The following PRKN variants were observed in gnomAD, a reference collection of about 807,000 sequenced individuals.
PRKN encodes parkin RBR E3 ubiquitin protein ligase, also known as E3 ubiquitin-protein ligase parkin.
In PRKN, 56 loss-of-function variants were observed where a neutral mutation model predicts 59.5. That is an observed-to-expected ratio of 0.94 (90% CI 0.76 to 1.18). PRKN has a LOEUF of 1.18. Among genes scored for constraint, PRKN ranks in the 50% most tolerant of loss-of-function variants. PRKN has a pLI of 0.00. For synonymous variants in PRKN, 250 were observed against 222.1 expected (o/e 1.13, Z -1.12); for missense variants, 657 against 596.4 (o/e 1.10, Z -1.06).
At chr6:162,122,754 CT>C (rs1729518797) in intron 4 of PRKN, among the ~76,000 whole-genome samples, 2 of 149,170 alleles carry the variant, frequency 1.3e-5, no homozygotes, top group Non-Finnish European at 3.0e-5. Context: ...ATCTATCTAT[CT>C]ATCTCTGATA....
chr6:161,935,355 T>A (rs969052016), intron 6 of PRKN, among the ~76,000 whole-genome samples: 11 of 151,790 alleles, frequency 7.2e-5, no homozygotes, highest in African/African-American at 2.7e-4. Context: ...GAGTTTGAGA[T>A]CAGCCTTGGC....
chr6:161,827,892 T>C (rs1387492226), intron 6 of PRKN, among the ~76,000 whole-genome samples: 1 of 152,206 alleles, frequency 6.6e-6, no homozygotes, highest in African/African-American at 2.4e-5. Context: ...CCAAGTTTTA[T>C]TGACTATTTA....
intron 9 of PRKN, among the ~76,000 whole-genome samples, chr6:161,491,545 G>C (rs1191605063): frequency 1.3e-5 from 2 of 152,148 alleles, no homozygotes; most frequent in African/African-American, 4.8e-5. Flanking sequence ...ATTAGGTAAA[G>C]ACACACATTT....
intron 6 of PRKN, among the ~76,000 whole-genome samples, chr6:161,838,607 C>CCTTCCT (rs1792856553): frequency 2.0e-5 from 3 of 152,356 alleles, no homozygotes; most frequent in African/African-American, 4.8e-5. Flanking sequence ...AGACCAGCCA[C>CCTTCCT]CTTCCTCTTC....
chr6:162,296,572 T>G (rs1484563476), intron 2 of PRKN, among the ~76,000 whole-genome samples: 1 of 152,102 alleles, frequency 6.6e-6, no homozygotes, highest in Non-Finnish European at 1.5e-5. Flanking sequence ...CACAACTATC[T>G]ATCCATTCTT....
rs575712283 is a variant in PRKN, at chr6:162,693,595, A to G, written c.7+34067T>C. On this transcript the variant is annotated intron_variant, in intron 1 of 11. Coordinates refer to ENST00000366898, the MANE Select transcript of PRKN (RefSeq NM_004562.3). ...TCAAACTGGAAAAGGAGAATTATCCAGCCATTAAATTTCATTCTTTATGAG... is the reference window on the plus strand; with the variant it reads ...TCAAACTGGAAAAGGAGAATTATCCGGCCATTAAATTTCATTCTTTATGAG... Among the ~76,000 whole-genome samples the G allele has an allele frequency of 1.1e-4, 17 of 152,322 alleles. No homozygotes were observed. The South Asian group carries it at 3.3e-3, about 30-fold the overall frequency.
At chr6:162,002,905 T>G (rs116017301) in intron 5 of PRKN, among the ~76,000 whole-genome samples, 84 of 152,268 alleles carry the variant, frequency 5.5e-4, no homozygotes, top group African/African-American at 2.0e-3. Flanking sequence ...TGTGTTTAAT[T>G]TCCACGTCTT....
rs492267 is a variant in PRKN at position 161,518,539 on chromosome 6, G to A, written c.1083+30315C>T. 0.8 allele frequency among the ~76,000 whole-genome samples: 121,315 copies of A among 151,710 alleles called. 48,787 individuals carry two copies. The highest frequency in any genetic ancestry group is 0.86 in the Middle Eastern group (252 of 292). ...GGCTCTGGGTGAGAGCTGAACCGAG[G>A]CTCACATCTGCCCTTGCTGGGTTCC... is the stretch of plus-strand genomic sequence containing the variant. On this transcript the variant is annotated intron_variant, in intron 9 of 11. Coordinates refer to ENST00000366898, the MANE Select transcript of PRKN (RefSeq NM_004562.3). The surrounding 1 kb of genome is among the most constrained non-coding windows in gnomAD (Gnocchi z 5.0).
At chr6:161,875,104 A>G (rs1416054493) in intron 6 of PRKN, among the ~76,000 whole-genome samples, 1 of 131,316 alleles carries the variant, frequency 7.6e-6, no homozygotes, top group African/African-American at 3.0e-5. Context: ...TATATAAAGT[A>G]TATATATTAT....
intron 7 of PRKN, among the ~76,000 whole-genome samples, chr6:161,760,861 C>T (rs929825993): frequency 2.0e-5 from 3 of 152,160 alleles, no homozygotes; most frequent in African/African-American, 7.2e-5. Flanking sequence ...CAGCCTACAC[C>T]CGCACATATC....
intron 6 of PRKN, among the ~76,000 whole-genome samples, chr6:161,867,742 T>TTTA (rs1448101574): frequency 7.1e-6 from 1 of 140,644 alleles, no homozygotes; most frequent in African/African-American, 3.0e-5. Flanking sequence ...AAATCTTTCA[T>TTTA]TTATTTATTT....
At chr6:161,731,652 A>G (rs1449775918) in intron 7 of PRKN, among the ~76,000 whole-genome samples, 2 of 152,210 alleles carry the variant, frequency 1.3e-5, no homozygotes, top group African/African-American at 2.4e-5. Context: ...AGAAATGTGA[A>G]TGGCAAATTA....
At chr6:161,358,239 A>G (rs1015737995) in intron 11 of PRKN, among the ~76,000 whole-genome samples, 1 of 152,186 alleles carries the variant, frequency 6.6e-6, no homozygotes, top group Non-Finnish European at 1.5e-5. Context: ...AGGTATTGCC[A>G]AAGTGGTTTC....
intron 4 of PRKN, among the ~76,000 whole-genome samples, chr6:162,160,059 AAAT>A (rs1443522201): frequency 6.6e-6 from 1 of 152,212 alleles, no homozygotes; most frequent in Non-Finnish European, 1.5e-5. Context: ...GACTTTATCA[AAAT>A]TTAAAACTTC....
intron 9 of PRKN, among the ~76,000 whole-genome samples, chr6:161,535,514 C>T (rs1244971021): frequency 2.0e-5 from 3 of 152,190 alleles, no homozygotes; most frequent in Admixed American, 6.5e-5. Context: ...TTTGTCCGCT[C>T]ATCATCCATT....
intron 5 of PRKN, among the ~76,000 whole-genome samples, chr6:161,996,905 G>T (rs1009802250): frequency 6.6e-6 from 1 of 151,828 alleles, no homozygotes; most frequent in Non-Finnish European, 1.5e-5. Context: ...AGGAAATCAC[G>T]CTGAAAACAA....
intron 4 of PRKN, among the ~76,000 whole-genome samples, chr6:162,158,545 C>T (rs1782624763): frequency 6.6e-6 from 1 of 151,896 alleles, no homozygotes; most frequent in African/African-American, 2.4e-5. Flanking sequence ...AATTCTCCTG[C>T]CTCATCCTCC....
intron 1 of PRKN, among the ~76,000 whole-genome samples, chr6:162,544,138 G>T (rs141001409): frequency 2.0e-5 from 3 of 152,110 alleles, no homozygotes; most frequent in Non-Finnish European, 2.9e-5. Flanking sequence ...ACTAACCAAG[G>T]AAAACTTTTG....
chr6:161,544,023 A>C lies in PRKN; in HGVS notation c.1083+4831T>G, dbSNP rs1779709437. 6.6e-6 allele frequency among the ~76,000 whole-genome samples: 1 copy of C among 152,236 alleles called. No individual in the cohort carries two copies. Among genetic ancestry groups the C allele is most frequent in the African/African-American group, 2.4e-5 (1 of 41,468 alleles). On this transcript the variant is annotated intron_variant, in intron 9 of 11. Coordinates refer to ENST00000366898, the MANE Select transcript of PRKN (RefSeq NM_004562.3). This position sits in a 1 kb window ranked among gnomAD's most constrained non-coding sequence, Gnocchi z 5.5. Reference sequence around the variant, plus strand: ...ATTAATTTTTTTATGAGCAGTAGTAAAAATAGGATCTAGGGTTAGCAGAGT... The same window carrying C: ...ATTAATTTTTTTATGAGCAGTAGTACAAATAGGATCTAGGGTTAGCAGAGT...
Sources: gnomAD v4.1 joint callset for allele counts (sites outside exome capture counted in the v4.1 genomes callset) on GRCh38, gnomAD v4.1.1 for gene constraint, Gnocchi (gnomAD v3.1) non-coding constraint, MANE v1.5 for transcripts, NCBI Gene and HGNC (gene_info 2026-07-23, HGNC 2026-07-21) for gene names.